Variants in RSPO4 observed in about 807,000 individuals in gnomAD.
RSPO4 encodes the protein R-spondin 4.
RSPO4 carries 23 observed loss-of-function variants against 24.8 expected under a neutral mutation model. That is an observed-to-expected ratio of 0.93 (90% CI 0.67 to 1.31). The LOEUF is 1.31. Among genes scored for constraint, RSPO4 ranks in the 40% most tolerant of loss-of-function variants. The pLI is 0.00. For missense variants in RSPO4, 333 were observed against 316.5 expected, an observed-to-expected ratio of 1.05 and a Z score of -0.39; for synonymous variants, 141 against 127.4, an observed-to-expected ratio of 1.11 and a Z score of -0.72.
At chr20:965,300 G>T (rs1348940288) in intron 3 of RSPO4, among the ~76,000 whole-genome samples, 1 of 152,164 alleles carries the variant, frequency 6.6e-6, no homozygotes, top group African/African-American at 2.4e-5. Flanking sequence ...GGGAGGGACG[G>T]GAGGTGCTCC....
chr20:1,002,147 G>T lies in RSPO4; in HGVS notation c.18C>A (p.Cys6Ter). 1 of 1,558,494 alleles carries T rather than the reference G, an allele frequency of 6.4e-7. No individual in the cohort carries two copies. The highest frequency in any genetic ancestry group is 8.7e-7 in the Non-Finnish European group (1 of 1,151,492). ...CGGCGTGGGCGACGAGCAGGAGCAG[G>T]CAGAGTGGCGCCCGCATCTGGGCAG... is the stretch of plus-strand genomic sequence containing the variant. MRAPL[C>*]LLLLVAHAVD... The change falls in exon 1 of 5, where the codon TGC becomes TGA. Residue 6 changes from cysteine to a stop codon, truncating the protein, a stop_gained. Transcript: ENST00000217260. LOFTEE classifies it high-confidence loss of function. The surrounding 1 kb of genome is among the most constrained non-coding windows in gnomAD (Gnocchi z 4.6).
chr20:966,788 G>A (rs1334038022), intron 3 of RSPO4, among the ~76,000 whole-genome samples: 1 of 152,212 alleles, frequency 6.6e-6, no homozygotes, highest in African/African-American at 2.4e-5. Flanking sequence ...CTAGGAGTTT[G>A]AGGCTGCAGT....
chr20:982,854 G>A (rs1436360929), intron 1 of RSPO4, among the ~76,000 whole-genome samples: 6 of 152,252 alleles, frequency 3.9e-5, no homozygotes, highest in African/African-American at 1.4e-4. Context: ...TGGTAGCAGA[G>A]GCCTCTCGTG....
chr20:975,678 A>C (rs1188331488), intron 1 of RSPO4, among the ~76,000 whole-genome samples: 2 of 152,212 alleles, frequency 1.3e-5, no homozygotes, highest in Non-Finnish European at 2.9e-5. Flanking sequence ...CCCAGGGTTG[A>C]GTGATCCATT....
At chr20:961,483 C>T (rs1398244079) in intron 4 of RSPO4, among the ~76,000 whole-genome samples, 1 of 152,200 alleles carries the variant, frequency 6.6e-6, no homozygotes, top group Admixed American at 6.5e-5. Flanking sequence ...GGCTGTGGCT[C>T]CAGTCCTGGC....
Position 963,821 on chromosome 20 carries a change from ATG to A in RSPO4, c.595+112_595+113del, listed in dbSNP as rs1465453802. On this transcript the variant is annotated intron_variant, in intron 4 of 4. Transcript: ENST00000217260. ...TGTACTCCACATGATAGTATGGCTAATGGTGGCCTTTCAGGCAGTCTCATAGA... is the reference window on the plus strand; with the variant it reads ...TGTACTCCACATGATAGTATGGCTAAGTGGCCTTTCAGGCAGTCTCATAGA... 2.8e-6 allele frequency: 3 copies of A among 1,061,582 alleles called. No individual in the cohort carries two copies. In the Admixed American group the frequency reaches 5.3e-5, roughly 19 times the overall value. The allele number at this position is 1,061,582 out of a possible 1,614,324, so 65.8% of individuals were successfully genotyped here.
intron 4 of RSPO4, among the ~76,000 whole-genome samples, chr20:961,220 G>A (rs1176102064): frequency 6.6e-6 from 1 of 152,148 alleles, no homozygotes; most frequent in Non-Finnish European, 1.5e-5. Flanking sequence ...GCATGGTTGG[G>A]AGCAAGGCCA....
intron 1 of RSPO4, among the ~76,000 whole-genome samples, chr20:982,388 GC>G (rs1484195338): frequency 6.6e-6 from 1 of 152,198 alleles, no homozygotes; most frequent in African/African-American, 2.4e-5. Context: ...AGGTAAAACT[GC>G]CATGAAGTTG....
intron 1 of RSPO4, among the ~76,000 whole-genome samples, chr20:998,760 A>C (rs1600103319): frequency 6.6e-6 from 1 of 152,202 alleles, no homozygotes; most frequent in African/African-American, 2.4e-5. Flanking sequence ...CAAGGTCCCC[A>C]ACACAGAGCC....
At chr20:975,880 T>C (rs1984547722) in intron 1 of RSPO4, among the ~76,000 whole-genome samples, 1 of 152,124 alleles carries the variant, frequency 6.6e-6, no homozygotes, top group African/African-American at 2.4e-5. Flanking sequence ...GCTGTTGTGA[T>C]TAAAGGAGAT....
chr20:971,062 T>TG (rs1356428686), intron 1 of RSPO4, among the ~76,000 whole-genome samples: 9 of 152,208 alleles, frequency 5.9e-5, no homozygotes, highest in Non-Finnish European at 1.2e-4. Context: ...AGGCTGGTCT[T>TG]GAACTCTGGC....
rs546378905 is a variant in RSPO4, at chr20:986,885, G to A, written c.79+15201C>T. On this transcript the variant is annotated intron_variant, in intron 1 of 4. Transcript: ENST00000217260. ...AAGACAAATAGGACAATAACCATAC[G>A]CAAAGCTGTTCTACTTCCCTAAGAA... is the stretch of plus-strand genomic sequence containing the variant. 2.0e-5 allele frequency among the ~76,000 whole-genome samples: 3 copies of A among 152,268 alleles called. No individual in the cohort carries two copies. The South Asian group carries it at 6.2e-4, about 32-fold the overall frequency.
intron 1 of RSPO4, among the ~76,000 whole-genome samples, chr20:976,533 G>T (rs1984569662): frequency 6.6e-6 from 1 of 152,172 alleles, no homozygotes; most frequent in Non-Finnish European, 1.5e-5. Flanking sequence ...TGTTTCAACA[G>T]GAGTCAACGG....
intron 1 of RSPO4, among the ~76,000 whole-genome samples, chr20:974,961 G>C (rs1347760219): frequency 1.3e-5 from 2 of 152,196 alleles, no homozygotes; most frequent in Non-Finnish European, 2.9e-5. Flanking sequence ...GATGCAGAGA[G>C]AGAAGCAGCA....
chr20:961,457 T>C (rs1600086548), intron 4 of RSPO4, among the ~76,000 whole-genome samples: 2 of 152,240 alleles, frequency 1.3e-5, no homozygotes, highest in East Asian at 3.9e-4. Flanking sequence ...TATGTGCCCG[T>C]CTCCCCAAGA....
intron 1 of RSPO4, among the ~76,000 whole-genome samples, chr20:978,487 T>C (rs1309684666): frequency 6.6e-6 from 1 of 152,218 alleles, no homozygotes; most frequent in Non-Finnish European, 1.5e-5. Flanking sequence ...GCCCACTGAC[T>C]ACCCATTTGT....
rs1430783420 is a variant in RSPO4, at chr20:958,824, C to CT, written c.*1532dup. 6.6e-6 allele frequency: 1 copy of CT among 152,490 alleles called. No homozygotes were observed. The highest frequency in any genetic ancestry group is 1.5e-5 in the Non-Finnish European group (1 of 68,304). The allele number at this position is 152,490 out of a possible 1,614,324, so 9.4% of individuals were successfully genotyped here. A position where few individuals can be genotyped will look rare whatever the true frequency, so the allele number is the denominator to read the frequency against. On this transcript the variant is annotated 3_prime_UTR_variant, in exon 5 of 5. Coordinates refer to ENST00000217260, the MANE Select transcript of RSPO4 (RefSeq NM_001029871.4). ...CCCCTTGGAGCTCCGACTCTTGCTTCTCCTGCCCATTCCTGTCCCAGTCAC... is the reference window on the plus strand; with the variant it reads ...CCCCTTGGAGCTCCGACTCTTGCTTCTTCCTGCCCATTCCTGTCCCAGTCAC...
At chr20:996,227 G>GTTCCATTCCATTCCGTTACCA (rs57902245) in intron 1 of RSPO4, among the ~76,000 whole-genome samples, 6,291 of 152,002 alleles carry the variant, frequency 0.041, 164 homozygotes, top group African/African-American at 0.07. Context: ...GTTCTGTTCC[G>GTTCCATTCCATTCCGTTACCA]TTCCATTCCA....
At chr20:980,295 T>G (rs1984695757) in intron 1 of RSPO4, among the ~76,000 whole-genome samples, 2 of 152,106 alleles carry the variant, frequency 1.3e-5, no homozygotes, top group South Asian at 4.1e-4. Flanking sequence ...CAGTCCTCCA[T>G]GCAGAGTCCC....
Sources: gnomAD v4.1 joint callset for allele counts (sites outside exome capture counted in the v4.1 genomes callset) on GRCh38, gnomAD v4.1.1 for gene constraint, Gnocchi (gnomAD v3.1) non-coding constraint, MANE v1.5 for transcripts, NCBI Gene and HGNC (gene_info 2026-07-23, HGNC 2026-07-21) for gene names.